Variants in CEP120 observed in about 807,000 individuals in gnomAD.
CEP120 encodes centrosomal protein 120.
A neutral mutation model predicts 126.5 loss-of-function variants in CEP120; 113 were observed. The observed-to-expected ratio is 0.89, with a 90% CI of 0.77 to 1.04. The LOEUF (loss-of-function observed/expected upper bound fraction) is 1.04. Ranked by LOEUF, CEP120 falls within the 50% of genes least tolerant of loss-of-function variation. The pLI, the probability that CEP120 is intolerant of heterozygous loss-of-function variation, is 0.00. For missense variants in CEP120, 1,230 were observed against 1,155.7 expected (o/e 1.06, Z -0.93); for synonymous variants, 400 against 394.3 (o/e 1.01, Z -0.17).
intron 4 of CEP120, chr5:123,401,478 GCTC>G (rs1773232754): frequency 7.9e-7 from 1 of 1,265,956 alleles, no homozygotes; most frequent in Non-Finnish European, 1.2e-6. Context: ...AGACTCTGCA[GCTC>G]CTCATCCTTG....
intron 2 of CEP120, 25 bp downstream of exon 2, chr5:123,418,334 A>G: frequency 6.6e-7 from 1 of 1,519,980 alleles, no homozygotes; most frequent in Non-Finnish European, 8.9e-7. Context: ...ACCAATAAAG[A>G]AGCTAAAATG....
At chr5:123,378,276 T>C in intron 15 of CEP120, 60 bp downstream of exon 15, 1 of 1,281,312 alleles carries the variant, frequency 7.8e-7, no homozygotes, top group Non-Finnish European at 1.1e-6. Flanking sequence ...TAAAATAGTA[T>C]TTCTACTTTG....
intron 8 of CEP120, among the ~76,000 whole-genome samples, chr5:123,389,629 T>C (rs1208346223): frequency 6.6e-6 from 1 of 152,022 alleles, no homozygotes; most frequent in African/African-American, 2.4e-5. Flanking sequence ...GCCTCCCGAG[T>C]AGCTGGGATT....
At chr5:123,416,203 C>G (rs1176760080) in intron 2 of CEP120, 79 bp from the exon 3 acceptor site, 1 of 780,692 alleles carries the variant, frequency 1.3e-6, no homozygotes, top group Non-Finnish European at 2.1e-6. Flanking sequence ...TTCCTATTAT[C>G]AAGATACTTA....
Position 123,390,073 on chromosome 5 carries a change from G to A in CEP120, c.1106C>T (p.Pro369Leu). 2.5e-6 allele frequency: 4 copies of A among 1,614,024 alleles called. No individual in the cohort carries two copies. Among genetic ancestry groups the A allele is most frequent in the Non-Finnish European group, 3.4e-6 (4 of 1,179,960 alleles). The change falls in exon 8 of 20, where the codon CCC becomes CTC. Residue 369 changes from proline to leucine, a missense_variant. Coordinates refer to ENST00000306467, the MANE Select transcript of CEP120 (RefSeq NM_001375405.1). ...PEHSKKKVLT[P>L]IKEKTLTGPK... ...CCCAGTAAGTGTCTTCTCCTTTATG[G>A]GGGTTAAAACTTTCTTCTTTGAATG...
At chr5:123,410,325 T>C (rs2127122066) in intron 4 of CEP120, among the ~76,000 whole-genome samples, 1 of 152,296 alleles carries the variant, frequency 6.6e-6, no homozygotes, top group South Asian at 2.1e-4. Flanking sequence ...AATTATTTTG[T>C]AGATACTGAC....
chr5:123,407,180 G>T (rs990592138), intron 4 of CEP120, among the ~76,000 whole-genome samples: 1 of 150,728 alleles, frequency 6.6e-6, no homozygotes, highest in East Asian at 1.9e-4. Context: ...ACAAATGTGG[G>T]AAAAGAGTTA....
intron 2 of CEP120, among the ~76,000 whole-genome samples, chr5:123,416,739 G>C (rs1430938186): frequency 1.3e-5 from 2 of 152,126 alleles, no homozygotes; most frequent in East Asian, 1.9e-4. Flanking sequence ...CTTCTGTAAT[G>C]TGTAAAACTT....
intron 6 of CEP120, among the ~76,000 whole-genome samples, chr5:123,392,715 G>A (rs1001536128): frequency 4.2e-4 from 64 of 152,160 alleles, no homozygotes; most frequent in African/African-American, 1.5e-3. Context: ...TTGCTATGTT[G>A]CCCAGGCTAT....
chr5:123,389,115 G>A (rs932273444), intron 8 of CEP120, among the ~76,000 whole-genome samples: 9 of 152,218 alleles, frequency 5.9e-5, no homozygotes, highest in Non-Finnish European at 1.2e-4. Context: ...CTCAGTGACA[G>A]AGATGTAACT....
chr5:123,391,351 G>C lies in CEP120; in HGVS notation c.811-14C>G, dbSNP rs1374385206. 1.3e-6 allele frequency: 2 copies of C among 1,583,818 alleles called. No homozygotes were observed. Among genetic ancestry groups the C allele is most frequent in the Admixed American group, 3.4e-5 (2 of 59,192 alleles). ...GCAGAGGTGAATCTAATATGAAAGGGAAAAATCAAAATAGGGCTTTATACT... is the reference window on the plus strand; with the variant it reads ...GCAGAGGTGAATCTAATATGAAAGGCAAAAATCAAAATAGGGCTTTATACT... On this transcript the variant is annotated splice_polypyrimidine_tract_variant and intron_variant, in intron 6 of 19. Transcript: ENST00000306467.
intron 10 of CEP120, among the ~76,000 whole-genome samples, chr5:123,385,643 G>T (rs984153567): frequency 3.4e-5 from 5 of 149,060 alleles, no homozygotes; most frequent in African/African-American, 7.4e-5. Flanking sequence ...TTGAGACAGG[G>T]TCTTGGTCTG....
intron 4 of CEP120, chr5:123,401,535 T>C: frequency 7.6e-7 from 1 of 1,309,180 alleles, no homozygotes; most frequent in Non-Finnish European, 1.1e-6. Context: ...CGGTTGGCGA[T>C]CTCCTCGTAC....
chr5:123,364,529 T>C lies in CEP120; in HGVS notation c.2547A>G (p.Gly849=). 6.2e-7 allele frequency: 1 copy of C among 1,607,094 alleles called. No individual in the cohort carries two copies. Among genetic ancestry groups the C allele is most frequent in the Non-Finnish European group, 8.5e-7 (1 of 1,175,414 alleles). The change falls in exon 18 of 20, where the codon GGA becomes GGG. Residue 849 remains glycine (G), a synonymous_variant. Coordinates refer to ENST00000306467, the MANE Select transcript of CEP120 (RefSeq NM_001375405.1). The part of the protein sequence containing the change: ...KSKLHYKQQW[G]RALKELARLK... Reference sequence around the variant, plus strand: ...GTCTGGCAAGTTCTTTCAAAGCTCGTCCCCACTGCTGCTTGTAATGCAGTT... The same window carrying C: ...GTCTGGCAAGTTCTTTCAAAGCTCGCCCCCACTGCTGCTTGTAATGCAGTT...
At position 123,422,030 on chromosome 5, in the gene CEP120, G is replaced by A. The variant is rs368400496; in HGVS notation, c.49+920C>T. On this transcript the variant is annotated intron_variant, in intron 1 of 19. Transcript: ENST00000306467. ...TCCTTCTTAACATACTATTCGTAAAGTGTCCTCAATTCACCTGTTATCTCC... is the reference window on the plus strand; with the variant it reads ...TCCTTCTTAACATACTATTCGTAAAATGTCCTCAATTCACCTGTTATCTCC... 6.6e-5 allele frequency among the ~76,000 whole-genome samples: 10 copies of A among 152,138 alleles called. No homozygotes were observed. In the East Asian group the frequency reaches 9.6e-4, roughly 15 times the overall value.
At chr5:123,422,837 G>A (rs577003237) in intron 1 of CEP120, 113 bp downstream of exon 1, 5 of 1,004,434 alleles carry the variant, frequency 5.0e-6, no homozygotes, top group African/African-American at 3.2e-5. Context: ...AGTCTGTGGG[G>A]ACCACAAAAG....
intron 8 of CEP120, among the ~76,000 whole-genome samples, chr5:123,389,197 A>C (rs914265529): frequency 2.6e-5 from 4 of 152,202 alleles, no homozygotes; most frequent in Non-Finnish European, 5.9e-5. Flanking sequence ...GGATGGAAAA[A>C]TTTTATTAAA....
intron 19 of CEP120, among the ~76,000 whole-genome samples, chr5:123,348,508 C>T (rs756004167): frequency 1.3e-5 from 2 of 152,220 alleles, no homozygotes; most frequent in Admixed American, 6.5e-5. Context: ...AAAAGTACCA[C>T]AGATTGAATG....
chr5:123,369,563 A>C (rs1041810709), intron 17 of CEP120, among the ~76,000 whole-genome samples: 42 of 151,964 alleles, frequency 2.8e-4, no homozygotes, highest in African/African-American at 9.4e-4. Context: ...CCTCAACCTC[A>C]AACAATCCAG....
Sources: gnomAD v4.1 joint callset for allele counts (sites outside exome capture counted in the v4.1 genomes callset) on GRCh38, gnomAD v4.1.1 for gene constraint, MANE v1.5 for transcripts, NCBI Gene and HGNC (gene_info 2026-07-23, HGNC 2026-07-21) for gene names.